Variants in KCNH5 observed in about 807,000 individuals in gnomAD.
The protein encoded by KCNH5 is voltage-gated delayed rectifier potassium channel KCNH5.
Under a neutral mutation model 96.1 loss-of-function variants are expected in KCNH5, and 46 were observed. The ratio of observed to expected loss-of-function variants is 0.48; its 90% CI spans 0.38 to 0.61. KCNH5 has a LOEUF of 0.61. KCNH5 is among the 20% of genes least tolerant of loss of function. The pLI is 0.00. For synonymous variants in KCNH5, 439 were observed against 449.8 expected (o/e 0.98, Z 0.30); for missense variants, 907 against 1,225.8 (o/e 0.74, Z 3.88).
chr14:62,723,749 T>C (rs1306282957), intron 10 of KCNH5, among the ~76,000 whole-genome samples: 1 of 152,230 alleles, frequency 6.6e-6, no homozygotes, highest in Non-Finnish European at 1.5e-5. Flanking sequence ...GCATCAGGTG[T>C]ACAGAAAAAT....
chr14:62,932,977 TA>T (rs1313543115), intron 7 of KCNH5, among the ~76,000 whole-genome samples: 2 of 152,094 alleles, frequency 1.3e-5, no homozygotes, highest in African/African-American at 4.8e-5. Flanking sequence ...GAGGCTACTA[TA>T]AGAGGTGTTC....
At position 62,707,407 on chromosome 14, in the gene KCNH5, A is replaced by G. The variant is rs1208841959; in HGVS notation, c.*101T>C. ...TACATATCAAAATCCATGTGTGGTC[A>G]TCATCTTGAAAGCAAGTGAAAATAT... On this transcript the variant is annotated 3_prime_UTR_variant, in exon 11 of 11. Coordinates refer to ENST00000322893, the MANE Select transcript of KCNH5 (RefSeq NM_139318.5). 4 of 556,142 alleles carry G rather than the reference A, an allele frequency of 7.2e-6. No individual in the cohort carries two copies. The highest frequency in any genetic ancestry group is 5.2e-4 in the Middle Eastern group (1 of 1,926). The allele number at this position is 556,142 out of a possible 1,614,324, so 34.5% of individuals were successfully genotyped here. A position where few individuals can be genotyped will look rare whatever the true frequency, so the allele number is the denominator to read the frequency against.
chr14:63,007,901 T>C (rs551561933), intron 2 of KCNH5, among the ~76,000 whole-genome samples: 2 of 152,054 alleles, frequency 1.3e-5, no homozygotes, highest in Non-Finnish European at 2.9e-5. Flanking sequence ...ATTCTCTATT[T>C]TTCTAAGAGA....
chr14:62,955,831 A>C (rs1318933698), intron 6 of KCNH5, among the ~76,000 whole-genome samples: 1 of 152,150 alleles, frequency 6.6e-6, no homozygotes, highest in Non-Finnish European at 1.5e-5. Flanking sequence ...TGTTTTTATA[A>C]TAGCAGGATT....
At chr14:62,917,414 C>T (rs1889297412) in intron 7 of KCNH5, among the ~76,000 whole-genome samples, 1 of 151,374 alleles carries the variant, frequency 6.6e-6, no homozygotes, top group Admixed American at 6.6e-5. Flanking sequence ...ATCCTGCATC[C>T]ACACAAATGC....
chr14:62,886,980 A>G (rs964182363), intron 7 of KCNH5, among the ~76,000 whole-genome samples: 3 of 152,204 alleles, frequency 2.0e-5, no homozygotes, highest in Non-Finnish European at 2.9e-5. Context: ...ACATCAAAAA[A>G]TGCCAAACAA....
chr14:62,958,051 G>C (rs1445215747), intron 6 of KCNH5, among the ~76,000 whole-genome samples: 1 of 152,180 alleles, frequency 6.6e-6, no homozygotes, highest in East Asian at 1.9e-4. Context: ...ATATTTCTAG[G>C]ACAGAACACT....
At chr14:62,947,193 T>C (rs1889905781) in intron 7 of KCNH5, among the ~76,000 whole-genome samples, 1 of 152,112 alleles carries the variant, frequency 6.6e-6, no homozygotes, top group Non-Finnish European at 1.5e-5. Context: ...AACAAAAAGG[T>C]TTTCTTTTTT....
At chr14:62,733,179 T>C (rs938961756) in intron 10 of KCNH5, among the ~76,000 whole-genome samples, 2 of 152,120 alleles carry the variant, frequency 1.3e-5, no homozygotes, top group African/African-American at 4.8e-5. Context: ...TATCTTGAAA[T>C]AATAGTTTAT....
intron 10 of KCNH5, among the ~76,000 whole-genome samples, chr14:62,767,192 CAGAGA>C (rs1480819864): frequency 6.6e-6 from 1 of 152,114 alleles, no homozygotes; most frequent in Admixed American, 6.6e-5. Context: ...GTTGAGGATG[CAGAGA>C]AAAGGGAGCA....
Position 62,702,146 on chromosome 14 carries a change from C to T in KCNH5, c.*5362G>A, listed in dbSNP as rs1884357442. On this transcript the variant is annotated 3_prime_UTR_variant, in exon 11 of 11. Coordinates refer to ENST00000322893, the MANE Select transcript of KCNH5 (RefSeq NM_139318.5). Reference sequence around the variant, plus strand: ...TCAACTGGAAAAGAAAATGTTGATACCAGTGACCATATATCAAACATACCA... The same window carrying T: ...TCAACTGGAAAAGAAAATGTTGATATCAGTGACCATATATCAAACATACCA... The T allele has an allele frequency of 6.6e-6, 1 of 152,006 alleles. No individual in the cohort carries two copies. Among genetic ancestry groups the T allele is most frequent in the Non-Finnish European group, 1.5e-5 (1 of 67,938 alleles). 9.4% of individuals were successfully genotyped at this position (152,006 alleles called of 1,614,324 possible).
rs1469603820 is a variant in KCNH5 at position 62,979,562 on chromosome 14, A to G, written c.942+1310T>C. Among the ~76,000 whole-genome samples the G allele has an allele frequency of 2.6e-5, 4 of 152,134 alleles. No individual in the cohort carries two copies. In the East Asian group the frequency reaches 5.8e-4, roughly 22 times the overall value. On this transcript the variant is annotated intron_variant, in intron 6 of 10. Transcript: ENST00000322893. ...TATTACAATGTATTATAATAATAAT[A>G]ACAACAGAGTAAAGAATTTTCCATC...
chr14:62,959,686 C>T (rs1012586617), intron 6 of KCNH5, among the ~76,000 whole-genome samples: 1 of 152,134 alleles, frequency 6.6e-6, no homozygotes, highest in African/African-American at 2.4e-5. Context: ...CACTTTCCTG[C>T]AAACTGGTAG....
chr14:62,851,498 T>C (rs1156796167), intron 7 of KCNH5, among the ~76,000 whole-genome samples: 2 of 114,196 alleles, frequency 1.8e-5, no homozygotes, highest in Non-Finnish European at 3.7e-5. Context: ...AGGTCTTTCC[T>C]AAAAAAAAAA....
intron 8 of KCNH5, among the ~76,000 whole-genome samples, chr14:62,817,995 G>A (rs901894676): frequency 1.3e-5 from 2 of 148,878 alleles, no homozygotes; most frequent in African/African-American, 5.0e-5. Context: ...ATTGAGCTAA[G>A]TGAAATAAGC....
chr14:62,891,907 G>A (rs890778334), intron 7 of KCNH5, among the ~76,000 whole-genome samples: 2 of 152,122 alleles, frequency 1.3e-5, no homozygotes, highest in Admixed American at 1.3e-4. Flanking sequence ...TTTGTGTTTT[G>A]AATGCTCCAT....
At chr14:63,007,434 T>A (rs1217548131) in intron 2 of KCNH5, among the ~76,000 whole-genome samples, 1 of 152,160 alleles carries the variant, frequency 6.6e-6, no homozygotes, top group Non-Finnish European at 1.5e-5. Flanking sequence ...ATAAGTTTTT[T>A]AAGAAGAAAT....
At position 62,754,305 on chromosome 14, in the gene KCNH5, C is replaced by A. The variant is rs140050537; in HGVS notation, c.2019+25423G>T. ...AAAACATAACATCAGAAAAAAATCA[C>A]CTATACTAAAAGAAAGACAGGAAGG... On this transcript the variant is annotated intron_variant, in intron 10 of 10. Transcript: ENST00000322893. Among the ~76,000 whole-genome samples the A allele has an allele frequency of 3.4e-3, 522 of 151,728 alleles. 2 individuals are homozygous for A. Among genetic ancestry groups the A allele is most frequent in the African/African-American group, 0.012 (511 of 41,394 alleles).
At chr14:62,826,338 C>T (rs2140022843) in intron 8 of KCNH5, among the ~76,000 whole-genome samples, 1 of 151,328 alleles carries the variant, frequency 6.6e-6, no homozygotes, top group Admixed American at 6.6e-5. Flanking sequence ...CCTGGTATAC[C>T]TTTACCCATC....
Sources: gnomAD v4.1 joint callset for allele counts (sites outside exome capture counted in the v4.1 genomes callset) on GRCh38, gnomAD v4.1.1 for gene constraint, MANE v1.5 for transcripts, NCBI Gene and HGNC (gene_info 2026-07-23, HGNC 2026-07-21) for gene names.